LMBRD1: variants seen among roughly 807,000 people sequenced by gnomAD.
LMBRD1 encodes the protein lysosomal cobalamin transport escort protein LMBD1.
Under a neutral mutation model 74.8 loss-of-function variants are expected in LMBRD1, and 64 were observed. The observed-to-expected ratio is 0.86, with a 90% CI of 0.70 to 1.05. LMBRD1 has a LOEUF of 1.05. LMBRD1 is among the 50% of genes least tolerant of loss of function. LMBRD1 has a pLI of 0.00. For missense variants in LMBRD1, 652 were observed against 645.9 expected (o/e 1.01, Z -0.10); for synonymous variants, 204 against 216.3 (o/e 0.94, Z 0.50).
intron 6 of LMBRD1, among the ~76,000 whole-genome samples, chr6:69,739,630 A>C (rs750964243): frequency 7.9e-5 from 12 of 152,226 alleles, no homozygotes; most frequent in Non-Finnish European, 1.2e-4. Context: ...TAACTAATAT[A>C]TAGTGGCAGA....
At chr6:69,715,143 G>C (rs992390588) in intron 8 of LMBRD1, among the ~76,000 whole-genome samples, 1 of 152,042 alleles carries the variant, frequency 6.6e-6, no homozygotes, top group Non-Finnish European at 1.5e-5. Context: ...CTCCCTTCTG[G>C]AAGATAAATC....
At chr6:69,745,669 T>C (rs995094404) in intron 5 of LMBRD1, among the ~76,000 whole-genome samples, 1 of 152,218 alleles carries the variant, frequency 6.6e-6, no homozygotes, top group Non-Finnish European at 1.5e-5. Flanking sequence ...CCTTCCTTTT[T>C]TGAGGGGAGG....
chr6:69,686,813 G>A (rs780031482), intron 14 of LMBRD1, among the ~76,000 whole-genome samples: 2 of 152,148 alleles, frequency 1.3e-5, no homozygotes, highest in African/African-American at 4.8e-5. Flanking sequence ...ACTATGGCAC[G>A]CAGGGCAAAT....
chr6:69,681,324 G>C (rs921460783), intron 14 of LMBRD1, among the ~76,000 whole-genome samples: 1 of 151,804 alleles, frequency 6.6e-6, no homozygotes, highest in African/African-American at 2.4e-5. Flanking sequence ...AGAAATAACA[G>C]GAAATGCAAG....
At chr6:69,737,591 ATAT>A (rs1388055881) in intron 7 of LMBRD1, among the ~76,000 whole-genome samples, 1 of 150,112 alleles carries the variant, frequency 6.7e-6, no homozygotes, top group African/African-American at 2.4e-5. Context: ...TTATATGCTT[ATAT>A]TATAAATCTA....
At chr6:69,763,810 T>C (rs1397161066) in intron 3 of LMBRD1, among the ~76,000 whole-genome samples, 1 of 152,214 alleles carries the variant, frequency 6.6e-6, no homozygotes, top group Non-Finnish European at 1.5e-5. Flanking sequence ...ATTCTAATAG[T>C]ATCTGCATTG....
At chr6:69,701,290 AG>A (rs1766124252) in intron 11 of LMBRD1, among the ~76,000 whole-genome samples, 152 bp downstream of exon 11, 1 of 151,848 alleles carries the variant, frequency 6.6e-6, no homozygotes, top group African/African-American at 2.4e-5. Context: ...GCAAATAAAA[AG>A]TAAAACTAGA....
At chr6:69,757,611 A>AT (rs1765294796) in intron 3 of LMBRD1, among the ~76,000 whole-genome samples, 1 of 152,228 alleles carries the variant, frequency 6.6e-6, no homozygotes, top group South Asian at 2.1e-4. Flanking sequence ...CATTTATCAT[A>AT]TGATCAGTTC....
At chr6:69,692,275 TCTCTCTCTCTCTCG>T (rs1449953262) in intron 14 of LMBRD1, among the ~76,000 whole-genome samples, 22 of 62,454 alleles carry the variant, frequency 3.5e-4, no homozygotes, top group African/African-American at 7.6e-4. Flanking sequence ...TAAGGTGCGC[TCTCTCTCTCTCTCG>T]CTCTCTCTCT....
At chr6:69,678,076 CA>C (rs1765584118) in intron 14 of LMBRD1, among the ~76,000 whole-genome samples, 1 of 152,072 alleles carries the variant, frequency 6.6e-6, no homozygotes. Flanking sequence ...TTGACTTCTC[CA>C]AAACGTAACT....
chr6:69,701,864 T>C (rs769894733), intron 10 of LMBRD1, 25 bp downstream of exon 10: 5 of 1,449,794 alleles, frequency 3.4e-6, no homozygotes, highest in Non-Finnish European at 4.8e-6. Context: ...ATAAGTGCTT[T>C]AGAAAATGTG....
intron 2 of LMBRD1, among the ~76,000 whole-genome samples, chr6:69,785,979 C>G (rs1395325874): frequency 6.6e-6 from 1 of 152,178 alleles, no homozygotes; most frequent in Non-Finnish European, 1.5e-5. Context: ...TGGCAAGAAA[C>G]CTCAGCAGTT....
intron 7 of LMBRD1, among the ~76,000 whole-genome samples, chr6:69,721,234 G>A (rs552024436): frequency 3.2e-4 from 48 of 152,296 alleles, no homozygotes; most frequent in African/African-American, 1.0e-3. Context: ...GACTAGGGTG[G>A]CATGTGACCC....
At chr6:69,751,268 T>C (rs1765141916) in intron 4 of LMBRD1, among the ~76,000 whole-genome samples, 1 of 152,170 alleles carries the variant, frequency 6.6e-6, no homozygotes, top group Non-Finnish European at 1.5e-5. Flanking sequence ...TAAGTGATAA[T>C]GGTCGGCAGT....
At chr6:69,720,234 T>C (rs899341346) in intron 7 of LMBRD1, among the ~76,000 whole-genome samples, 2 of 152,190 alleles carry the variant, frequency 1.3e-5, no homozygotes, top group Non-Finnish European at 2.9e-5. Flanking sequence ...TGAAATCAAC[T>C]AGTTCTATCA....
At chr6:69,784,202 T>C (rs1327672460) in intron 2 of LMBRD1, among the ~76,000 whole-genome samples, 4 of 152,152 alleles carry the variant, frequency 2.6e-5, no homozygotes, top group Non-Finnish European at 5.9e-5. Flanking sequence ...TAAAAGAAAC[T>C]TCAGAGTCAT....
intron 5 of LMBRD1, chr6:69,746,015 C>T (rs1471280409): frequency 3.7e-5 from 8 of 215,326 alleles, no homozygotes; most frequent in Non-Finnish European, 7.8e-5. Flanking sequence ...TGTTCCAGCA[C>T]GATTCCACCC....
intron 7 of LMBRD1, among the ~76,000 whole-genome samples, chr6:69,734,588 G>A (rs966527370): frequency 1.3e-5 from 2 of 152,040 alleles, no homozygotes; most frequent in Non-Finnish European, 2.9e-5. Flanking sequence ...TAGAGATGGG[G>A]TTTTACCATG....
chr6:69,749,205 G>C (rs1765061553), intron 5 of LMBRD1, 136 bp downstream of exon 5: 6 of 700,646 alleles, frequency 8.6e-6, no homozygotes, highest in Non-Finnish European at 1.5e-5. Flanking sequence ...ATTGTTCCTT[G>C]GAGATTTAGA....
Sources: allele counts gnomAD v4.1 joint callset (sites outside exome capture counted in the v4.1 genomes callset), GRCh38; gene constraint gnomAD v4.1.1; transcripts MANE v1.5; gene names NCBI Gene and HGNC (gene_info 2026-07-23, HGNC 2026-07-21).